Variants in FBLN2 observed in about 807,000 individuals in gnomAD.
FBLN2 encodes the protein fibulin-2.
A neutral mutation model predicts 123.7 loss-of-function variants in FBLN2; 81 were observed. The observed-to-expected ratio is 0.65, with a 90% CI of 0.55 to 0.79. FBLN2 has a LOEUF of 0.79. Among genes scored for constraint, FBLN2 ranks in the 30% least tolerant of loss-of-function variants. The pLI, the probability that FBLN2 is intolerant of heterozygous loss-of-function variation, is 0.00. For synonymous variants in FBLN2, 699 were observed against 701.4 expected (o/e 1.00, Z 0.05); for missense variants, 1,603 against 1,681.3 (o/e 0.95, Z 0.81).
intron 2 of FBLN2, among the ~76,000 whole-genome samples, chr3:13,606,837 G>A (rs1705220456): frequency 6.6e-6 from 1 of 151,152 alleles, no homozygotes; most frequent in African/African-American, 2.4e-5. Flanking sequence ...ATTTTTAGTA[G>A]AGACGGAGTT....
chr3:13,637,745 G>A lies in FBLN2; in HGVS notation c.3522G>A (p.Glu1174=). 1.9e-6 allele frequency: 3 copies of A among 1,613,986 alleles called. No homozygotes were observed. The highest frequency in any genetic ancestry group is 2.5e-6 in the Non-Finnish European group (3 of 1,179,844). The change falls in exon 18 of 18, where the codon GAG becomes GAA. Residue 1174 remains glutamate (E), a synonymous_variant. Coordinates refer to ENST00000404922, the MANE Select transcript of FBLN2 (RefSeq NM_001004019.2). ...TGAACATCATCAAGGGCAATGAGGAGGGCTACTTTGGCACGCGCAGGCTCA... is the reference window on the plus strand; with the variant it reads ...TGAACATCATCAAGGGCAATGAGGAAGGCTACTTTGGCACGCGCAGGCTCA... ...IALNIIKGNE[E]GYFGTRRLNA... is the part of the protein sequence containing the mutation.
At chr3:13,626,360 C>T in intron 9 of FBLN2, 85 bp from the exon 10 acceptor site, 1 of 1,394,326 alleles carries the variant, frequency 7.2e-7, no homozygotes. Context: ...AGCTCTCTCC[C>T]TCCTGGTGGC....
intron 2 of FBLN2, among the ~76,000 whole-genome samples, chr3:13,587,397 A>AC (rs1704543812): frequency 1.3e-5 from 2 of 152,198 alleles, no homozygotes; most frequent in African/African-American, 4.8e-5. Flanking sequence ...CAGTGTTTCT[A>AC]AAATCTGCAG....
intron 5 of FBLN2, among the ~76,000 whole-genome samples, chr3:13,617,138 TCATCAATCCATC>T (rs1361576363): frequency 1.9e-5 from 2 of 102,712 alleles, no homozygotes; most frequent in African/African-American, 6.6e-5. Flanking sequence ...GCCCATCCAT[TCATCAATCCATC>T]CATCCATCCA....
intron 2 of FBLN2, among the ~76,000 whole-genome samples, chr3:13,583,560 AG>A (rs1559408041): frequency 1.3e-5 from 2 of 152,180 alleles, no homozygotes; most frequent in Non-Finnish European, 2.9e-5. Context: ...CAAGGGGCAA[AG>A]CTGAGCCCAG....
In FBLN2 at chr3:13,623,479, C is replaced by A. The variant is rs1200879813; in HGVS notation, c.2296+1564C>A. The stretch of plus-strand genomic sequence containing the variant: ...TTCATCCTGTACAAACCCGTCAGCA[C>A]CTCTTCATCCTTCCATGCCCCTCGC... On this transcript the variant is annotated intron_variant, in intron 9 of 17. Transcript: ENST00000404922. 3.3e-5 allele frequency among the ~76,000 whole-genome samples: 5 copies of A among 152,326 alleles called. No individual in the cohort carries two copies. The South Asian group carries it at 1.0e-3, about 32-fold the overall frequency.
In FBLN2 at chr3:13,630,752, G is replaced by T; in HGVS notation, c.3022G>T (p.Gly1008Cys). 1.2e-6 allele frequency: 2 copies of T among 1,610,390 alleles called. No individual in the cohort carries two copies. The highest frequency in any genetic ancestry group is 1.7e-6 in the Non-Finnish European group (2 of 1,178,678). The change falls in exon 15 of 18, where the codon GGC becomes TGC. Residue 1008 changes from glycine (G) to cysteine (C), a missense_variant. Coordinates refer to ENST00000404922, the MANE Select transcript of FBLN2 (RefSeq NM_001004019.2). ...CAGCCAGGAGTGTGCCAACATCTAT[G>T]GCTCCTACCAGTGCTACTGCCGCCA... is the stretch of plus-strand genomic sequence containing the variant. ...RCSQECANIY[G>C]SYQCYCRQGY...
chr3:13,616,810 G>A (rs1431850760), intron 5 of FBLN2, among the ~76,000 whole-genome samples: 1 of 152,160 alleles, frequency 6.6e-6, no homozygotes, highest in Non-Finnish European at 1.5e-5. Flanking sequence ...CTGCTCCCCA[G>A]CACAACCCTG....
At chr3:13,550,767 C>G (rs1423915454) in intron 1 of FBLN2, among the ~76,000 whole-genome samples, 1 of 152,206 alleles carries the variant, frequency 6.6e-6, no homozygotes, top group Non-Finnish European at 1.5e-5. Context: ...TCCCCTTCTG[C>G]AGCTGAGCTG....
intron 2 of FBLN2, among the ~76,000 whole-genome samples, chr3:13,604,019 G>A (rs1705125152): frequency 6.6e-6 from 1 of 152,172 alleles, no homozygotes; most frequent in African/African-American, 2.4e-5. Context: ...GTGTCTGTTG[G>A]CTGCATAAAT....
chr3:13,572,526 C>T (rs548833053), intron 2 of FBLN2, among the ~76,000 whole-genome samples: 3 of 152,380 alleles, frequency 2.0e-5, no homozygotes, highest in African/African-American at 7.2e-5. Flanking sequence ...CCACAGAGTT[C>T]AATACACTCC....
chr3:13,619,691 G>C, intron 7 of FBLN2, 39 bp from the exon 8 acceptor site: 1 of 1,572,810 alleles, frequency 6.4e-7, no homozygotes, highest in Admixed American at 1.7e-5. Flanking sequence ...ACCAAGGCCA[G>C]GGCCTGGTGG....
intron 5 of FBLN2, among the ~76,000 whole-genome samples, chr3:13,615,065 C>A (rs1705552558): frequency 6.6e-6 from 1 of 152,208 alleles, no homozygotes; most frequent in East Asian, 1.9e-4. Context: ...CCTTCTTCTT[C>A]CCTTCTTGTG....
At chr3:13,581,279 A>G (rs1490643651) in intron 2 of FBLN2, among the ~76,000 whole-genome samples, 1 of 152,070 alleles carries the variant, frequency 6.6e-6, no homozygotes, top group Non-Finnish European at 1.5e-5. Context: ...GATGGGGAAC[A>G]TGAAAGTCCG....
intron 16 of FBLN2, among the ~76,000 whole-genome samples, chr3:13,631,867 T>G (rs996168261): frequency 6.6e-6 from 1 of 151,868 alleles, no homozygotes; most frequent in Non-Finnish European, 1.5e-5. Flanking sequence ...ACCCAGAGAG[T>G]AGGGCGGGAT....
At chr3:13,621,364 A>G (rs1559423553) in intron 8 of FBLN2, among the ~76,000 whole-genome samples, 1 of 152,278 alleles carries the variant, frequency 6.6e-6, no homozygotes, top group South Asian at 2.1e-4. Flanking sequence ...TGGAGCACAG[A>G]CACTCAGTGT....
At chr3:13,564,759 C>G (rs1337782345) in intron 1 of FBLN2, among the ~76,000 whole-genome samples, 1 of 152,242 alleles carries the variant, frequency 6.6e-6, no homozygotes, top group Non-Finnish European at 1.5e-5. Context: ...CCCCAGGTGG[C>G]CTTGACCTTC....
At chr3:13,556,113 G>GC (rs1439097131) in intron 1 of FBLN2, among the ~76,000 whole-genome samples, 2 of 152,168 alleles carry the variant, frequency 1.3e-5, no homozygotes, top group Non-Finnish European at 2.9e-5. Flanking sequence ...TGTCCTCTGT[G>GC]CCCCCAGCTC....
intron 2 of FBLN2, among the ~76,000 whole-genome samples, chr3:13,574,403 C>A (rs568468063): frequency 6.6e-6 from 1 of 152,222 alleles, no homozygotes; most frequent in African/African-American, 2.4e-5. Flanking sequence ...GCCAGCCCTG[C>A]GGGAAAAGCC....
Sources: gnomAD v4.1 joint callset for allele counts (sites outside exome capture counted in the v4.1 genomes callset) on GRCh38, gnomAD v4.1.1 for gene constraint, MANE v1.5 for transcripts, NCBI Gene and HGNC (gene_info 2026-07-23, HGNC 2026-07-21) for gene names.